The following B3GALT5 variants were observed in gnomAD, a reference collection of about 807,000 sequenced individuals.
The protein encoded by B3GALT5 is beta-1,3-galactosyltransferase 5, also known as UDP-Gal:betaGlcNAc beta 1,3-galactosyltransferase, polypeptide 5.
For synonymous variants in B3GALT5, 156 were observed against 158.6 expected (o/e 0.98, Z 0.12); for missense variants, 328 against 396.6 (o/e 0.83, Z 1.47).
chr21:39,640,866 A>G (rs560351285), intron 1 of B3GALT5, among the ~76,000 whole-genome samples: 1 of 152,192 alleles, frequency 6.6e-6, no homozygotes, highest in South Asian at 2.1e-4. Flanking sequence ...CAGCCCCCTG[A>G]GTAGCTGGAA....
chr21:39,619,680 G>A (rs2079124281), intron 1 of B3GALT5, among the ~76,000 whole-genome samples: 1 of 152,074 alleles, frequency 6.6e-6, no homozygotes, highest in Admixed American at 6.5e-5. Context: ...GTTCTGTTTT[G>A]TCATGATGTA....
chr21:39,615,499 G>A (rs951862608), intron 1 of B3GALT5, among the ~76,000 whole-genome samples: 1 of 152,196 alleles, frequency 6.6e-6, no homozygotes, highest in African/African-American at 2.4e-5. Context: ...CTTAATAGAA[G>A]ACATCGGAGC....
At chr21:39,647,315 T>C (rs2079350061) in intron 2 of B3GALT5, among the ~76,000 whole-genome samples, 1 of 152,160 alleles carries the variant, frequency 6.6e-6, no homozygotes, top group South Asian at 2.1e-4. Context: ...TGTAGCACAA[T>C]TAAATCTGAG....
intron 2 of B3GALT5, among the ~76,000 whole-genome samples, chr21:39,653,935 AC>A (rs1373724861): frequency 2.6e-5 from 4 of 152,154 alleles, no homozygotes; most frequent in Admixed American, 2.6e-4. Context: ...TTTGTATTTG[AC>A]TTTCCCTGGT....
chr21:39,619,391 C>T (rs1427322104), intron 1 of B3GALT5, among the ~76,000 whole-genome samples: 1 of 152,130 alleles, frequency 6.6e-6, no homozygotes, highest in Non-Finnish European at 1.5e-5. Flanking sequence ...ATTACTTCCT[C>T]AAAGCTTTGT....
chr21:39,629,351 C>T (rs1016493436), intron 1 of B3GALT5, among the ~76,000 whole-genome samples: 30 of 152,182 alleles, frequency 2.0e-4, no homozygotes, highest in African/African-American at 7.2e-4. Context: ...TGCCATTTCA[C>T]ATGGTCTATT....
intron 1 of B3GALT5, among the ~76,000 whole-genome samples, chr21:39,644,591 A>C (rs2079319155): frequency 6.6e-6 from 1 of 152,166 alleles, no homozygotes; most frequent in Non-Finnish European, 1.5e-5. Flanking sequence ...GGCTTACAGA[A>C]CCATTGTCTG....
chr21:39,636,775 G>A (rs1482014969), intron 1 of B3GALT5, among the ~76,000 whole-genome samples: 1 of 152,164 alleles, frequency 6.6e-6, no homozygotes, highest in African/African-American at 2.4e-5. Flanking sequence ...GATCAAGGTT[G>A]TCTCCTGTGT....
intron 3 of B3GALT5, 71 bp downstream of exon 3, chr21:39,659,983 A>T: frequency 2.3e-6 from 2 of 870,494 alleles, no homozygotes; most frequent in Non-Finnish European, 2.8e-6. Context: ...GATAGCAGAG[A>T]CGGGTGGGCA....
Position 39,672,712 on chromosome 21 carries a change from T to C in B3GALT5, c.*11220T>C, listed in dbSNP as rs1043838654. 4 of 152,270 alleles carry C rather than the reference T, an allele frequency of 2.6e-5. No individual in the cohort carries two copies. The highest frequency in any genetic ancestry group is 5.9e-5 in the Non-Finnish European group (4 of 68,052). 9.4% of individuals were successfully genotyped at this position (152,270 alleles called of 1,614,324 possible). A position where few individuals can be genotyped will look rare whatever the true frequency, so the allele number is the denominator to read the frequency against. On this transcript the variant is annotated 3_prime_UTR_variant, in exon 4 of 4. Transcript: ENST00000684187. ...TTTGTTTTTACATTGATGTTTTCTA[T>C]ATTTATTTTGTACCTGGAAAAATAT...
At chr21:39,633,869 C>T (rs773502741) in intron 1 of B3GALT5, among the ~76,000 whole-genome samples, 1 of 152,136 alleles carries the variant, frequency 6.6e-6, no homozygotes, top group African/African-American at 2.4e-5. Context: ...TTTGAAGAAA[C>T]GGAGGCTTAG....
intron 1 of B3GALT5, among the ~76,000 whole-genome samples, chr21:39,617,094 C>T (rs1352055676): frequency 6.6e-6 from 1 of 152,176 alleles, no homozygotes; most frequent in Non-Finnish European, 1.5e-5. Context: ...CCCTAGTTCT[C>T]CCCATCTCCT....
In B3GALT5 at chr21:39,669,910, G is replaced by A. The variant is rs762175775; in HGVS notation, c.*8418G>A. ...AGTGTGCCACCTGACCCCTTTTCCT[G>A]TCTTCTGTCACTTTTTTTTTTCCAA... On this transcript the variant is annotated 3_prime_UTR_variant, in exon 4 of 4. Transcript: ENST00000684187. The A allele has an allele frequency of 6.6e-6, 1 of 152,194 alleles. No individual in the cohort carries two copies. The highest frequency in any genetic ancestry group is 2.4e-5 in the African/African-American group (1 of 41,406). 9.4% of individuals were successfully genotyped at this position (152,194 alleles called of 1,614,324 possible).
At chr21:39,624,651 G>A (rs2123689500) in intron 1 of B3GALT5, among the ~76,000 whole-genome samples, 1 of 152,298 alleles carries the variant, frequency 6.6e-6, no homozygotes, top group East Asian at 1.9e-4. Context: ...AAGGATGGTG[G>A]TGGACATTCC....
Position 39,668,376 on chromosome 21 carries a change from A to C in B3GALT5, c.*6884A>C, listed in dbSNP as rs924094987. On this transcript the variant is annotated 3_prime_UTR_variant, in exon 4 of 4. Transcript: ENST00000684187. ...AAGCTAGCCTCTGCAAACTCAGGAT[A>C]TATATTCCAAATATCCCTGATTTGG... is the stretch of plus-strand genomic sequence containing the variant. The C allele has an allele frequency of 3.3e-5, 5 of 152,168 alleles. No individual in the cohort carries two copies. The highest frequency in any genetic ancestry group is 1.2e-4 in the African/African-American group (5 of 41,422). The allele number at this position is 152,168 out of a possible 1,614,324, so 9.4% of individuals were successfully genotyped here. A position where few individuals can be genotyped will look rare whatever the true frequency, so the allele number is the denominator to read the frequency against.
chr21:39,644,580 C>T (rs879500093), intron 1 of B3GALT5, among the ~76,000 whole-genome samples: 5 of 152,138 alleles, frequency 3.3e-5, no homozygotes, highest in Admixed American at 6.5e-5. Context: ...ACAGCTTCAG[C>T]GGCTTACAGA....
intron 1 of B3GALT5, among the ~76,000 whole-genome samples, chr21:39,639,400 T>TTCCCTTTC (rs1339331444): frequency 1.6e-4 from 9 of 57,192 alleles, no homozygotes; most frequent in African/African-American, 5.9e-4. Context: ...CCTTCTTTCT[T>TTCCCTTTC]TTTCTTTCTT....
At chr21:39,623,476 T>G (rs1360536365) in intron 1 of B3GALT5, among the ~76,000 whole-genome samples, 1 of 152,084 alleles carries the variant, frequency 6.6e-6, no homozygotes, top group Admixed American at 6.6e-5. Context: ...CTGAACTACA[T>G]TCATTAATAA....
At chr21:39,653,642 A>C (rs1327489986) in intron 2 of B3GALT5, among the ~76,000 whole-genome samples, 1 of 152,208 alleles carries the variant, frequency 6.6e-6, no homozygotes, top group Non-Finnish European at 1.5e-5. Flanking sequence ...CTTGCAACCT[A>C]GAGGGCAGAT....
Sources: allele counts gnomAD v4.1 joint callset (sites outside exome capture counted in the v4.1 genomes callset), GRCh38; gene constraint gnomAD v4.1.1; transcripts MANE v1.5; gene names NCBI Gene and HGNC (gene_info 2026-07-23, HGNC 2026-07-21).